The following LHX4 variants were observed in gnomAD, a reference collection of about 807,000 sequenced individuals.
LHX4 encodes the protein LIM homeobox 4, also known as LIM/homeobox protein Lhx4.
Under a neutral mutation model 39.2 loss-of-function variants are expected in LHX4, and 16 were observed. The ratio of observed to expected loss-of-function variants is 0.41; its 90% CI spans 0.28 to 0.62. LHX4 has a LOEUF of 0.62. Among genes scored for constraint, LHX4 ranks in the 20% least tolerant of loss-of-function variants. The pLI, the probability that LHX4 is intolerant of heterozygous loss-of-function variation, is 0.33. For synonymous variants in LHX4, 206 were observed against 198.1 expected (o/e 1.04, Z -0.33); for missense variants, 439 against 511.9 (o/e 0.86, Z 1.37).
chr1:180,231,554 T>TCGCGCGCGCGCG (rs3041737), intron 1 of LHX4, among the ~76,000 whole-genome samples: 3 of 132,666 alleles, frequency 2.3e-5, no homozygotes, highest in African/African-American at 7.9e-5. Context: ...TGCCCAGTCG[T>TCGCGCGCGCGCG]CGCGCGCGCG....
chr1:180,274,071 G>C, intron 5 of LHX4, 114 bp from the exon 6 acceptor site: 1 of 1,340,586 alleles, frequency 7.5e-7, no homozygotes, highest in Non-Finnish European at 1.1e-6. Context: ...TGGCTGCAAG[G>C]CAGCTGCCAT....
intron 3 of LHX4, among the ~76,000 whole-genome samples, chr1:180,268,230 C>A (rs1011642972): frequency 6.6e-6 from 1 of 152,182 alleles, no homozygotes. Flanking sequence ...AAGTCTAGTG[C>A]CGTTCATCAG....
At position 180,275,906 on chromosome 1, in the gene LHX4, G is replaced by C. The variant is rs910371055; in HGVS notation, c.*1327G>C. 1 of 152,326 alleles carries C rather than the reference G, an allele frequency of 6.6e-6. No individual in the cohort carries two copies. Among genetic ancestry groups the C allele is most frequent in the African/African-American group, 2.4e-5 (1 of 41,446 alleles). The allele number at this position is 152,326 out of a possible 1,614,324, so 9.4% of individuals were successfully genotyped here. A position where few individuals can be genotyped will look rare whatever the true frequency, so the allele number is the denominator to read the frequency against. ...TAGCAAATCACTAAGCCTGAGGCCA[G>C]AGCAAGGCCAACCCCCGCTTTACGA... On this transcript the variant is annotated 3_prime_UTR_variant, in exon 6 of 6. Transcript: ENST00000263726.
upstream of LHX4, chr1:180,230,230 A>C (rs2149250240): frequency 1.9e-4 from 79 of 424,988 alleles, no homozygotes; most frequent in East Asian, 3.4e-4. This position sits in a 1 kb window ranked among gnomAD's most constrained non-coding sequence, Gnocchi z 5.8. Context: ...GGGAGGGGGA[A>C]GGAGCGGGCG....
At position 180,234,108 on chromosome 1, in the gene LHX4, CTT is replaced by C. The variant is rs1470400807; in HGVS notation, c.76+3504_76+3505del. Reference sequence around the variant, plus strand: ...CACTCAAACGCTGGTGCTGTTCGCTCTTCTTTCCATTCCTGCCTTGTCTCCTA... The same window carrying C: ...CACTCAAACGCTGGTGCTGTTCGCTCCTTTCCATTCCTGCCTTGTCTCCTA... On this transcript the variant is annotated intron_variant, in intron 1 of 5. Coordinates refer to ENST00000263726, the MANE Select transcript of LHX4 (RefSeq NM_033343.4). This position sits in a 1 kb window ranked among gnomAD's most constrained non-coding sequence, Gnocchi z 4.8. Among the ~76,000 whole-genome samples the C allele has an allele frequency of 6.9e-6, 1 of 143,984 alleles. No individual in the cohort carries two copies. 94.5% of individuals were successfully genotyped at this position (143,984 alleles called of 152,430 possible). A position where few individuals can be genotyped will look rare whatever the true frequency, so the allele number is the denominator to read the frequency against.
chr1:180,271,079 A>C, intron 3 of LHX4: 2 of 452,162 alleles, frequency 4.4e-6, no homozygotes, highest in Non-Finnish European at 8.3e-6. Flanking sequence ...GACGTGTGGA[A>C]TTGGGTACAT....
At chr1:180,257,467 G>A (rs1450746553) in intron 2 of LHX4, among the ~76,000 whole-genome samples, 1 of 152,222 alleles carries the variant, frequency 6.6e-6, no homozygotes, top group Non-Finnish European at 1.5e-5. Context: ...ATTCTCTGGT[G>A]TCAGGCCTTC....
At chr1:180,236,172 C>A (rs1664313209) in intron 1 of LHX4, among the ~76,000 whole-genome samples, 1 of 144,774 alleles carries the variant, frequency 6.9e-6, no homozygotes, top group African/African-American at 2.6e-5. Flanking sequence ...ATACCAGGGT[C>A]CATTTTTAAA....
intron 5 of LHX4, chr1:180,273,060 T>C (rs1648787739): frequency 6.6e-6 from 1 of 152,198 alleles, no homozygotes; most frequent in Non-Finnish European, 1.5e-5. Context: ...CCCCCCACCA[T>C]GTTTTTTCAT....
chr1:180,269,322 A>G (rs1265667900), intron 3 of LHX4, among the ~76,000 whole-genome samples: 12 of 152,194 alleles, frequency 7.9e-5, no homozygotes, highest in Admixed American at 7.9e-4. Context: ...GTTTTGTCAC[A>G]TTTAACTTCC....
At chr1:180,259,815 A>T (rs1648030557) in intron 2 of LHX4, among the ~76,000 whole-genome samples, 1 of 151,622 alleles carries the variant, frequency 6.6e-6, no homozygotes, top group Non-Finnish European at 1.5e-5. Flanking sequence ...CCCAAGGGGA[A>T]GGGCAGTCCC....
intron 2 of LHX4, among the ~76,000 whole-genome samples, chr1:180,263,970 T>C (rs920497873): frequency 1.3e-5 from 2 of 152,168 alleles, no homozygotes; most frequent in East Asian, 3.9e-4. Flanking sequence ...TTCATTTTAA[T>C]TAATTAATTT....
chr1:180,230,994 G>T lies in LHX4; in HGVS notation c.76+389G>T, dbSNP rs1056919399. Among the ~76,000 whole-genome samples, 3 of 152,176 alleles carry T rather than the reference G, an allele frequency of 2.0e-5. No homozygotes were observed. The highest frequency in any genetic ancestry group is 1.9e-4 in the East Asian group (1 of 5,148). ...CGTGACGGTCAGCGCTTGCAGGACCGCTAGTGCAACTTCACCCCAGCTGGC... is the reference window on the plus strand; with the variant it reads ...CGTGACGGTCAGCGCTTGCAGGACCTCTAGTGCAACTTCACCCCAGCTGGC... On this transcript the variant is annotated intron_variant, in intron 1 of 5. Transcript: ENST00000263726. This position sits in a 1 kb window ranked among gnomAD's most constrained non-coding sequence, Gnocchi z 5.8.
chr1:180,267,046 A>AC (rs150581540), intron 3 of LHX4, among the ~76,000 whole-genome samples: 1,819 of 152,248 alleles, frequency 0.012, 39 homozygotes, highest in African/African-American at 0.042. Flanking sequence ...AGAGCCCAGC[A>AC]CTGGCCTCTG....
intron 2 of LHX4, among the ~76,000 whole-genome samples, chr1:180,262,168 C>A (rs1648135313): frequency 6.6e-6 from 1 of 151,842 alleles, no homozygotes; most frequent in South Asian, 2.1e-4. Context: ...AGGAGAGTCT[C>A]CGGTACTAGC....
At chr1:180,238,124 T>C (rs1664367823) in intron 1 of LHX4, among the ~76,000 whole-genome samples, 1 of 152,252 alleles carries the variant, frequency 6.6e-6, no homozygotes, top group Non-Finnish European at 1.5e-5. Context: ...ACTCCTTATG[T>C]TAAAATATCC....
intron 1 of LHX4, among the ~76,000 whole-genome samples, chr1:180,233,714 G>A (rs984164620): frequency 2.0e-5 from 3 of 152,078 alleles, no homozygotes; most frequent in Non-Finnish European, 4.4e-5. Context: ...GAAGCCCGCC[G>A]CCCGGATCGC....
In LHX4 at chr1:180,271,457, A is replaced by G. The variant is rs1455727326; in HGVS notation, c.529A>G (p.Lys177Glu). Reference protein sequence around the residue: ...KQLETLKNAYKNSPKPARHVR... With the variant: ...KQLETLKNAYENSPKPARHVR... ...GCTGGAGACATTAAAGAATGCATAC[A>G]AGAACTCCCCCAAGCCTGCCCGGCA... Residue 177 changes from lysine to glutamate, a missense_variant, in exon 4 of 6, where the codon AAG (lysine) becomes GAG (glutamate). Transcript: ENST00000263726. 7 of 1,614,102 alleles carry G rather than the reference A, an allele frequency of 4.3e-6. No homozygotes were observed. In the Admixed American group the frequency reaches 6.7e-5, roughly 15 times the overall value.
intron 2 of LHX4, among the ~76,000 whole-genome samples, chr1:180,261,204 C>G (rs1452871725): frequency 6.8e-6 from 1 of 147,716 alleles, no homozygotes; most frequent in African/African-American, 2.6e-5. Flanking sequence ...CTCGGGAGGC[C>G]GGGGAGAGGG....
Sources: allele counts gnomAD v4.1 joint callset (sites outside exome capture counted in the v4.1 genomes callset), GRCh38; gene constraint gnomAD v4.1.1; non-coding constraint Gnocchi (gnomAD v3.1); transcripts MANE v1.5; gene names NCBI Gene and HGNC (gene_info 2026-07-23, HGNC 2026-07-21).